TRIM44: variants seen among roughly 807,000 people sequenced by gnomAD.
TRIM44 encodes tripartite motif-containing protein 44.
A neutral mutation model predicts 37.4 loss-of-function variants in TRIM44; 13 were observed. The observed-to-expected ratio is 0.35, with a 90% CI of 0.23 to 0.55. TRIM44 has a LOEUF of 0.55. TRIM44 is among the 20% of genes least tolerant of loss of function. TRIM44 has a pLI of 0.89. For missense variants in TRIM44, 426 were observed against 437.2 expected, an observed-to-expected ratio of 0.97 and a Z score of 0.23; for synonymous variants, 175 against 157.2, an observed-to-expected ratio of 1.11 and a Z score of -0.85.
At chr11:35,751,988 C>T (rs1852564273) in intron 4 of TRIM44, among the ~76,000 whole-genome samples, 1 of 152,154 alleles carries the variant, frequency 6.6e-6, no homozygotes. Flanking sequence ...AGAGTAAGAC[C>T]TTCCTGTCCT....
At chr11:35,773,277 C>CT (rs1181536371) in intron 4 of TRIM44, among the ~76,000 whole-genome samples, 28 of 152,110 alleles carry the variant, frequency 1.8e-4, no homozygotes, top group African/African-American at 4.6e-4. Flanking sequence ...ATACAGGTGC[C>CT]TTTTTTTTAA....
chr11:35,792,109 ACACT>A (rs1425498631), intron 4 of TRIM44, among the ~76,000 whole-genome samples: 937 of 61,464 alleles, frequency 0.015, 16 homozygotes, highest in African/African-American at 0.039. Flanking sequence ...ACACACACAC[ACACT>A]CTCTCTCATC....
At chr11:35,693,820 G>A (rs1327898767) in intron 2 of TRIM44, among the ~76,000 whole-genome samples, 1 of 152,082 alleles carries the variant, frequency 6.6e-6, no homozygotes, top group Non-Finnish European at 1.5e-5. Flanking sequence ...TGTCATTCCA[G>A]TTGAAGAGAG....
chr11:35,796,879 C>T (rs1853299634), intron 4 of TRIM44, among the ~76,000 whole-genome samples: 1 of 152,206 alleles, frequency 6.6e-6, no homozygotes, highest in Admixed American at 6.5e-5. Flanking sequence ...CACTGTATCC[C>T]ATGCCAGGTC....
At chr11:35,713,281 C>G (rs1398923076) in intron 2 of TRIM44, among the ~76,000 whole-genome samples, 1 of 152,082 alleles carries the variant, frequency 6.6e-6, no homozygotes, top group Non-Finnish European at 1.5e-5. Flanking sequence ...CTAACTCAGC[C>G]CATTTATTTA....
At chr11:35,741,589 G>A (rs1025001783) in intron 4 of TRIM44, among the ~76,000 whole-genome samples, 6 of 151,884 alleles carry the variant, frequency 4.0e-5, no homozygotes, top group Non-Finnish European at 8.8e-5. Flanking sequence ...CCAAGAGGAA[G>A]GGGCATGGAT....
intron 1 of TRIM44, among the ~76,000 whole-genome samples, chr11:35,675,604 C>T (rs891961679): frequency 2.0e-5 from 3 of 152,172 alleles, no homozygotes; most frequent in African/African-American, 7.2e-5. Flanking sequence ...TCACTGCAAC[C>T]TCCGCCTCCC....
At chr11:35,792,104 CACACACACT>C (rs1853222289) in intron 4 of TRIM44, among the ~76,000 whole-genome samples, 1 of 102,692 alleles carries the variant, frequency 9.7e-6, no homozygotes, top group African/African-American at 3.1e-5. Context: ...CACACACACA[CACACACACT>C]CTCTCTCATC....
intron 2 of TRIM44, among the ~76,000 whole-genome samples, chr11:35,699,343 G>A (rs1851750641): frequency 6.6e-6 from 1 of 152,226 alleles, no homozygotes; most frequent in Non-Finnish European, 1.5e-5. Context: ...CAGAACCAAA[G>A]ACAAAAATTA....
intron 4 of TRIM44, among the ~76,000 whole-genome samples, chr11:35,791,955 T>C (rs965236466): frequency 2.6e-5 from 4 of 152,160 alleles, no homozygotes; most frequent in African/African-American, 9.7e-5. Flanking sequence ...CAGTTGAATT[T>C]AGTTGAGTAC....
At chr11:35,765,977 A>C (rs1394118264) in intron 4 of TRIM44, among the ~76,000 whole-genome samples, 1 of 152,148 alleles carries the variant, frequency 6.6e-6, no homozygotes, top group Non-Finnish European at 1.5e-5. Flanking sequence ...ATTTCATAAG[A>C]CCCAATAAAA....
intron 2 of TRIM44, among the ~76,000 whole-genome samples, chr11:35,722,159 T>G (rs1473148603): frequency 6.6e-6 from 1 of 152,196 alleles, no homozygotes; most frequent in African/African-American, 2.4e-5. Flanking sequence ...TTTTTCTGTT[T>G]TAGAACAATG....
At chr11:35,789,735 G>A (rs1793715511) in intron 4 of TRIM44, among the ~76,000 whole-genome samples, 1 of 152,178 alleles carries the variant, frequency 6.6e-6, no homozygotes, top group South Asian at 2.1e-4. Context: ...GTTCTAAGAG[G>A]CATATTCCCC....
intron 4 of TRIM44, among the ~76,000 whole-genome samples, chr11:35,754,214 G>A (rs1756255196): frequency 6.6e-6 from 1 of 152,126 alleles, no homozygotes; most frequent in Non-Finnish European, 1.5e-5. Flanking sequence ...ATAAAAGAGA[G>A]GCATGCTAAT....
At chr11:35,691,569 G>A (rs1458114890) in intron 2 of TRIM44, among the ~76,000 whole-genome samples, 1 of 152,134 alleles carries the variant, frequency 6.6e-6, no homozygotes, top group Non-Finnish European at 1.5e-5. Flanking sequence ...GTCTATAGTT[G>A]GGCAAAATAA....
chr11:35,706,513 A>C (rs1221762204), intron 2 of TRIM44, among the ~76,000 whole-genome samples: 2 of 152,216 alleles, frequency 1.3e-5, no homozygotes, highest in African/African-American at 4.8e-5. Flanking sequence ...AAAATCCTCA[A>C]TAAAATACTG....
intron 4 of TRIM44, among the ~76,000 whole-genome samples, chr11:35,760,206 C>T (rs1852704109): frequency 6.6e-6 from 1 of 152,198 alleles, no homozygotes; most frequent in Non-Finnish European, 1.5e-5. Context: ...GTGCCCCTCC[C>T]CCAGCCTCAC....
chr11:35,666,908 T>G (rs643353), intron 1 of TRIM44, among the ~76,000 whole-genome samples: 3,692 of 152,324 alleles, frequency 0.024, 106 homozygotes, highest in African/African-American at 0.067. Context: ...CATACCTGAT[T>G]GTATTATGTG....
At chr11:35,775,358 G>A (rs535667160) in intron 4 of TRIM44, among the ~76,000 whole-genome samples, 1 of 152,304 alleles carries the variant, frequency 6.6e-6, no homozygotes, top group African/African-American at 2.4e-5. Flanking sequence ...ATCAGCTTAA[G>A]GAGATTTTGG....
Sources: gnomAD v4.1 joint callset for allele counts (sites outside exome capture counted in the v4.1 genomes callset) on GRCh38, gnomAD v4.1.1 for gene constraint, MANE v1.5 for transcripts, NCBI Gene and HGNC (gene_info 2026-07-23, HGNC 2026-07-21) for gene names.